ADGRG2: variants seen among roughly 807,000 people sequenced by gnomAD.
The protein encoded by ADGRG2 is adhesion G protein-coupled receptor G2.
In ADGRG2, 26 loss-of-function variants were observed where a neutral mutation model predicts 74.1. That is an observed-to-expected ratio of 0.35 (90% CI 0.26 to 0.49). ADGRG2 has a LOEUF of 0.49. Ranked by LOEUF, ADGRG2 falls within the 20% of genes least tolerant of loss-of-function variation. ADGRG2 has a pLI of 0.99. For missense variants in ADGRG2, 619 were observed against 763.1 expected, an observed-to-expected ratio of 0.81 and a Z score of 2.22; for synonymous variants, 296 against 295.2, an observed-to-expected ratio of 1.00 and a Z score of -0.03.
intron 28 of ADGRG2, among the ~76,000 whole-genome samples, chrX:18,993,520 A>G (rs1457347993): frequency 2.8e-5 from 3 of 106,986 alleles, no homozygotes; most frequent in Non-Finnish European, 5.8e-5. Context: ...GCATCTTAAA[A>G]AAAAAAAAAA....
At chrX:19,047,428 G>T (rs932076554) in intron 3 of ADGRG2, among the ~76,000 whole-genome samples, 2 of 111,656 alleles carry the variant, frequency 1.8e-5, no homozygotes, top group Non-Finnish European at 3.8e-5. Flanking sequence ...TTTTCTCCCT[G>T]CTATTTGACA....
At chrX:19,005,797 C>A (rs1209318061) in intron 22 of ADGRG2, among the ~76,000 whole-genome samples, 1 of 111,919 alleles carries the variant, frequency 8.9e-6, no homozygotes, top group African/African-American at 3.2e-5. Context: ...AAGTGATCCA[C>A]CCACCTTGGC....
rs772981270 is a variant in ADGRG2, at chrX:19,046,650, C to T, written c.119-6426G>A. 3.6e-5 allele frequency among the ~76,000 whole-genome samples: 4 copies of T among 112,259 alleles called. No homozygotes were observed. In the South Asian group the frequency reaches 1.5e-3, roughly 42 times the overall value. ...AGGGAAATGTTGCAAAGATGAAGAA[C>T]TGGAGCAATCCAGAGGTGAGCAACA... On this transcript the variant is annotated intron_variant, in intron 3 of 28. Transcript: ENST00000379869.
intron 1 of ADGRG2, among the ~76,000 whole-genome samples, chrX:19,083,440 C>A (rs1197962557): frequency 3.6e-5 from 4 of 110,718 alleles, no homozygotes; most frequent in African/African-American, 1.3e-4. Context: ...CTTCTAGAGA[C>A]CCTGCTTGGT....
intron 1 of ADGRG2, among the ~76,000 whole-genome samples, chrX:19,096,611 C>G (rs1260900248): frequency 1.8e-5 from 2 of 111,318 alleles, no homozygotes; most frequent in Non-Finnish European, 1.9e-5. Flanking sequence ...AGTACTAATG[C>G]CACATTATTG....
intron 1 of ADGRG2, among the ~76,000 whole-genome samples, chrX:19,090,774 T>C (rs1234686244): frequency 9.0e-6 from 1 of 111,650 alleles, no homozygotes; most frequent in African/African-American, 3.3e-5. Flanking sequence ...TGTTTGTGGT[T>C]ATGATGTTAA....
Position 19,013,853 on chromosome X carries a change from G to T in ADGRG2, c.932C>A (p.Ala311Asp). The T allele has an allele frequency of 8.3e-7, 1 of 1,207,977 alleles. No homozygotes were observed. Among genetic ancestry groups the T allele is most frequent in the Non-Finnish European group, 1.1e-6 (1 of 893,288 alleles). The part of the protein sequence containing the change: ...PLSPQPSAPI[A>D]SSPAIDMPPQ... ...GGGCATGTCAATGGCAGGGCTGGAA[G>T]CTATGGGAGCTGAAGGCTGGGGTGA... Residue 311 changes from alanine (A) to aspartate (D), a missense_variant, in exon 16 of 29, where the codon GCT becomes GAT. Transcript: ENST00000379869.
intron 3 of ADGRG2, among the ~76,000 whole-genome samples, chrX:19,053,166 C>T (rs1651284686): frequency 9.0e-6 from 1 of 111,057 alleles, no homozygotes; most frequent in Non-Finnish European, 1.9e-5. Context: ...CTGTTCCTGA[C>T]ACAGAACAAT....
chrX:19,098,634 A>G (rs2062137724), intron 1 of ADGRG2, among the ~76,000 whole-genome samples: 2 of 111,881 alleles, frequency 1.8e-5, no homozygotes, highest in African/African-American at 6.5e-5. Flanking sequence ...TAATAACTAT[A>G]AAGCAAACAC....
At chrX:19,096,828 C>A (rs2062104946) in intron 1 of ADGRG2, among the ~76,000 whole-genome samples, 1 of 112,355 alleles carries the variant, frequency 8.9e-6, no homozygotes. Flanking sequence ...TATTTATGTC[C>A]TAAAATTCTT....
intron 11 of ADGRG2, among the ~76,000 whole-genome samples, chrX:19,026,876 T>C (rs191941474): frequency 1.8e-5 from 2 of 112,018 alleles, no homozygotes; most frequent in East Asian, 5.6e-4. Flanking sequence ...AAGACTTTTC[T>C]CTGACTTATG....
chrX:19,052,372 G>A (rs1021661816), intron 3 of ADGRG2, among the ~76,000 whole-genome samples: 2 of 110,993 alleles, frequency 1.8e-5, no homozygotes, highest in Non-Finnish European at 3.8e-5. Flanking sequence ...AAAGAGGAGT[G>A]GTTGATCACA....
chrX:18,992,306 T>C (rs1379298414), intron 28 of ADGRG2, among the ~76,000 whole-genome samples: 2 of 112,592 alleles, frequency 1.8e-5, no homozygotes, highest in African/African-American at 3.2e-5. Context: ...TTTGTTGTTG[T>C]TGAGACGGAG....
intron 26 of ADGRG2, among the ~76,000 whole-genome samples, chrX:18,998,077 T>C (rs928325576): frequency 6.2e-5 from 7 of 112,482 alleles, no homozygotes; most frequent in Admixed American, 4.7e-4. Flanking sequence ...ATGGGCTTCA[T>C]TAACCAATGG....
chrX:19,086,337 C>T (rs1308887121), intron 1 of ADGRG2, among the ~76,000 whole-genome samples: 3 of 111,516 alleles, frequency 2.7e-5, no homozygotes, highest in Non-Finnish European at 5.6e-5. Context: ...AGAAGAACAG[C>T]AAACTCACCA....
intron 24 of ADGRG2, among the ~76,000 whole-genome samples, chrX:19,002,276 A>G (rs920417015): frequency 9.0e-6 from 1 of 111,351 alleles, no homozygotes; most frequent in Non-Finnish European, 1.9e-5. Flanking sequence ...TGAATGAAGA[A>G]ATCTTCAACA....
intron 1 of ADGRG2, among the ~76,000 whole-genome samples, chrX:19,094,737 G>A (rs185361215): frequency 8.9e-6 from 1 of 112,630 alleles, no homozygotes; most frequent in East Asian, 2.8e-4. Context: ...ACGCATTCCA[G>A]TGACTCTGCC....
In ADGRG2 at chrX:19,068,738, C is replaced by A; in HGVS notation, c.97G>T (p.Val33Phe). 1 of 1,086,289 alleles carries A rather than the reference C, an allele frequency of 9.2e-7. No homozygotes were observed. Among genetic ancestry groups the A allele is most frequent in the South Asian group, 2.1e-5 (1 of 48,312 alleles). The allele number at this position is 1,086,289 out of a possible 1,213,427, so 89.5% of individuals were successfully genotyped here. A position where few individuals can be genotyped will look rare whatever the true frequency, so the allele number is the denominator to read the frequency against. ...IFLVIICLHV[V>F]LVTSLEEDTD... Reference sequence around the variant, plus strand: ...TTACCTTCCAGGGATGTTACCAGAACGACATGAAGACAAATGATGACAAGG... The same window carrying A: ...TTACCTTCCAGGGATGTTACCAGAAAGACATGAAGACAAATGATGACAAGG... The change falls in exon 3 of 29, where the codon GTT (valine) becomes TTT (phenylalanine). Residue 33 changes from valine to phenylalanine, a missense_variant. By Grantham distance (50) the Val-to-Phe change is conservative. Around this residue, in one of 3 missense-constraint regions of ADGRG2, gnomAD observed 292 missense variants for 318.0 expected, o/e 0.92. Transcript: ENST00000379869.
intron 23 of ADGRG2, among the ~76,000 whole-genome samples, chrX:19,003,575 G>A (rs183234963): frequency 1.8e-5 from 2 of 110,898 alleles, no homozygotes; most frequent in East Asian, 5.6e-4. Context: ...TATATGGGGT[G>A]GGGGGGAGCT....
Sources: gnomAD v4.1 joint callset for allele counts (sites outside exome capture counted in the v4.1 genomes callset) on GRCh38, gnomAD v4.1.1 for gene constraint, gnomAD v4.1.1 regional missense constraint, MANE v1.5 for transcripts, NCBI Gene and HGNC (gene_info 2026-07-23, HGNC 2026-07-21) for gene names.